ANKRD55: variants seen among roughly 807,000 people sequenced by gnomAD.
The protein encoded by ANKRD55 is ankyrin repeat domain-containing protein 55.
Under a neutral mutation model 60.6 loss-of-function variants are expected in ANKRD55, and 41 were observed. The ratio of observed to expected loss-of-function variants is 0.68; its 90% CI spans 0.53 to 0.88. The LOEUF (loss-of-function observed/expected upper bound fraction) is 0.88. Among genes scored for constraint, ANKRD55 ranks in the 40% least tolerant of loss-of-function variants. The pLI, the probability that ANKRD55 is intolerant of heterozygous loss-of-function variation, is 0.00. For missense variants in ANKRD55, 732 were observed against 767.6 expected (o/e 0.95, Z 0.55); for synonymous variants, 264 against 290.3 (o/e 0.91, Z 0.92).
At chr5:56,220,298 G>T (rs563336533) in intron 2 of ANKRD55, among the ~76,000 whole-genome samples, 1 of 152,198 alleles carries the variant, frequency 6.6e-6, no homozygotes, top group Admixed American at 6.5e-5. Flanking sequence ...GAGTCCATAA[G>T]AAGAGCCATA....
intron 2 of ANKRD55, among the ~76,000 whole-genome samples, chr5:56,204,127 C>T (rs1017057835): frequency 6.6e-6 from 1 of 152,084 alleles, no homozygotes; most frequent in Admixed American, 6.5e-5. Flanking sequence ...TAAATGTCTT[C>T]TTTTGAGAAG....
chr5:56,204,905 G>A (rs142631525), intron 2 of ANKRD55, among the ~76,000 whole-genome samples: 2 of 152,292 alleles, frequency 1.3e-5, no homozygotes, highest in African/African-American at 4.8e-5. Flanking sequence ...GGCAGGTGTT[G>A]GAGTCAGGCA....
At position 56,216,488 on chromosome 5, in the gene ANKRD55, T is replaced by C. The variant is rs575855110; in HGVS notation, c.58+16368A>G. On this transcript the variant is annotated intron_variant, in intron 2 of 11. Transcript: ENST00000341048. ...ATGATTAAGCTCAATGAGGAAGGCA[T>C]GTTGAAAGCTAAAACAGACCAGAAA... Among the ~76,000 whole-genome samples the C allele has an allele frequency of 4.6e-5, 7 of 152,310 alleles. No individual in the cohort carries two copies. The East Asian group carries it at 1.2e-3, about 25-fold the overall frequency.
intron 7 of ANKRD55, chr5:56,127,674 G>T (rs566776719): frequency 3.4e-6 from 2 of 581,584 alleles, no homozygotes; most frequent in South Asian, 1.5e-4. Context: ...CTACAGTCTT[G>T]TATCAGACTT....
At position 56,103,572 on chromosome 5, in the gene ANKRD55, TG is replaced by T. The variant is rs201374065; in HGVS notation, c.1631-987del. On this transcript the variant is annotated intron_variant, in intron 10 of 11. Transcript: ENST00000341048. ...TCCCCACTTTTCAGTTATATGACAT[TG>T]GGCAAATGATATTACCTCTCAACAC... Among the ~76,000 whole-genome samples the T allele has an allele frequency of 6.2e-3, 949 of 152,274 alleles. 8 individuals are homozygous for T. The highest frequency in any genetic ancestry group is 0.021 in the African/African-American group (878 of 41,542).
rs1469504991 is a variant in ANKRD55 at position 56,217,402 on chromosome 5, G to C, written c.58+15454C>G. On this transcript the variant is annotated intron_variant, in intron 2 of 11. Transcript: ENST00000341048. ...CCTGTAACACAGGATCCATTCTGCA[G>C]CCCATGGATCAAGGAGTAATTTTGA... Among the ~76,000 whole-genome samples, 5 of 152,326 alleles carry C rather than the reference G, an allele frequency of 3.3e-5. No individual in the cohort carries two copies. The East Asian group carries it at 9.6e-4, about 29-fold the overall frequency.
At chr5:56,158,255 G>A (rs1487919750) in intron 6 of ANKRD55, among the ~76,000 whole-genome samples, 3 of 152,076 alleles carry the variant, frequency 2.0e-5, no homozygotes, top group Admixed American at 6.5e-5. Context: ...CCGCCCCCTT[G>A]CCTATGGTCA....
At chr5:56,177,045 C>G (rs1758752266) in intron 3 of ANKRD55, among the ~76,000 whole-genome samples, 1 of 152,104 alleles carries the variant, frequency 6.6e-6, no homozygotes, top group Non-Finnish European at 1.5e-5. Context: ...TGAGAAATCC[C>G]CAAGAAAGGG....
In ANKRD55 at chr5:56,111,056, A is replaced by C. The variant is rs990139792; in HGVS notation, c.1630+62T>G. The C allele has an allele frequency of 3.2e-6, 5 of 1,541,758 alleles. No individual in the cohort carries two copies. In the African/African-American group the frequency reaches 6.8e-5, roughly 21 times the overall value. On this transcript the variant is annotated intron_variant, in intron 10 of 11. Transcript: ENST00000341048. ...TTGTCACTCCAGTTCCTAGCTTAAAACTGTACGGGACATTTCCAGTATAGA... is the reference window on the plus strand; with the variant it reads ...TTGTCACTCCAGTTCCTAGCTTAAACCTGTACGGGACATTTCCAGTATAGA...
chr5:56,122,498 AC>A (rs1356931869), intron 8 of ANKRD55, among the ~76,000 whole-genome samples: 29 of 151,468 alleles, frequency 1.9e-4, no homozygotes, highest in Non-Finnish European at 2.4e-4. Context: ...TAAAAAAAAA[AC>A]AAACCCAAAA....
At chr5:56,199,120 C>T (rs769286948) in intron 2 of ANKRD55, among the ~76,000 whole-genome samples, 1 of 143,136 alleles carries the variant, frequency 7.0e-6, no homozygotes, top group Non-Finnish European at 1.5e-5. Context: ...AAAACCCAAA[C>T]ACGTGTTTAT....
At chr5:56,184,484 C>A (rs1758923980) in intron 2 of ANKRD55, among the ~76,000 whole-genome samples, 1 of 152,202 alleles carries the variant, frequency 6.6e-6, no homozygotes, top group Non-Finnish European at 1.5e-5. Context: ...TCATTTCAAC[C>A]ACCTGAGATT....
chr5:56,195,550 T>TCTCC (rs1480592889), intron 2 of ANKRD55, among the ~76,000 whole-genome samples: 1 of 152,150 alleles, frequency 6.6e-6, no homozygotes, highest in East Asian at 1.9e-4. Flanking sequence ...TTCAAGCGAT[T>TCTCC]CTCCTGCCTC....
intron 2 of ANKRD55, among the ~76,000 whole-genome samples, chr5:56,197,715 T>C (rs1759259275): frequency 6.6e-6 from 1 of 152,214 alleles, no homozygotes; most frequent in South Asian, 2.1e-4. Flanking sequence ...TTGTCGCAGT[T>C]TGTTTTCAAA....
chr5:56,176,322 C>T (rs1258253095), intron 3 of ANKRD55, 40 bp from the exon 4 acceptor site: 1 of 1,613,082 alleles, frequency 6.2e-7, no homozygotes, highest in Non-Finnish European at 8.5e-7. Flanking sequence ...ACATGTGTGA[C>T]CCATGAAACT....
chr5:56,182,974 G>A (rs1758883045), intron 3 of ANKRD55, among the ~76,000 whole-genome samples: 1 of 152,190 alleles, frequency 6.6e-6, no homozygotes, highest in African/African-American at 2.4e-5. Flanking sequence ...TGTGCCTGTT[G>A]ACATTTCTGG....
chr5:56,175,608 T>C (rs1240163452), intron 4 of ANKRD55, among the ~76,000 whole-genome samples: 1 of 152,070 alleles, frequency 6.6e-6, no homozygotes, highest in Non-Finnish European at 1.5e-5. Context: ...ACACAGTTGT[T>C]AAATTGAGCC....
chr5:56,227,193 A>G (rs1270358920), intron 2 of ANKRD55, among the ~76,000 whole-genome samples: 1 of 152,228 alleles, frequency 6.6e-6, no homozygotes, highest in South Asian at 2.1e-4. Context: ...TTGTAAGGAC[A>G]TGGATGAAGC....
rs769664867 is a variant in ANKRD55 at position 56,166,199 on chromosome 5, T to TTCCTTCCTTCCTTCCTTCTCTC, written c.422+4494_422+4495insGAGAGAAGGAAGGAAGGAAGGA. The stretch of plus-strand genomic sequence containing the variant: ...CTTCCTTCCTTCCTTCCTTCCTTCC[T>TTCCTTCCTTCCTTCCTTCTCTC]TCTCTCTCTCTCTCTCTCTTTCTTT... On this transcript the variant is annotated intron_variant, in intron 5 of 11. Coordinates refer to ENST00000341048, the MANE Select transcript of ANKRD55 (RefSeq NM_024669.3). Among the ~76,000 whole-genome samples, 75 of 96,120 alleles carry TTCCTTCCTTCCTTCCTTCTCTC rather than the reference T, an allele frequency of 7.8e-4. 5 individuals carry two copies. The East Asian group carries it at 0.023, about 30-fold the overall frequency. 63.1% of individuals were successfully genotyped at this position (96,120 alleles called of 152,430 possible).
Sources: allele counts gnomAD v4.1 joint callset (sites outside exome capture counted in the v4.1 genomes callset), GRCh38; gene constraint gnomAD v4.1.1; transcripts MANE v1.5; gene names NCBI Gene and HGNC (gene_info 2026-07-23, HGNC 2026-07-21).